AFDN: variants seen among roughly 807,000 people sequenced by gnomAD.
The protein encoded by AFDN is afadin, adherens junction formation factor, also known as afadin.
A neutral mutation model predicts 216.6 loss-of-function variants in AFDN; 68 were observed. The observed-to-expected ratio is 0.31, with a 90% confidence interval of 0.26 to 0.38. The LOEUF is 0.38. AFDN is among the 10% of genes least tolerant of loss of function. The pLI is 1.00. For synonymous variants in AFDN, 868 were observed against 853.7 expected (o/e 1.02, Z -0.29); for missense variants, 2,136 against 2,342.0 (o/e 0.91, Z 1.82).
At chr6:167,874,690 A>G (rs1180872360) in intron 4 of AFDN, among the ~76,000 whole-genome samples, 1 of 143,248 alleles carries the variant, frequency 7.0e-6, no homozygotes, top group African/African-American at 2.6e-5. Context: ...ATCTTGGCTC[A>G]CTGCAACCTC....
At chr6:167,944,119 A>G (rs749216102) in intron 26 of AFDN, 60 bp downstream of exon 26, 34 of 1,321,842 alleles carry the variant, frequency 2.6e-5, no homozygotes, top group Middle Eastern at 1.9e-4. Flanking sequence ...AATGGTCACA[A>G]AACCCCCATG....
Position 167,827,104 on chromosome 6 carries a change from CGCGCGGCTGAGGAG to C in AFDN, c.-21_-8del. 1 of 1,204,260 alleles carries C rather than the reference CGCGCGGCTGAGGAG, an allele frequency of 8.3e-7. No individual in the cohort carries two copies. The highest frequency in any genetic ancestry group is 1.1e-6 in the Non-Finnish European group (1 of 938,138). 74.6% of individuals were successfully genotyped at this position (1,204,260 alleles called of 1,614,324 possible). A position where few individuals can be genotyped will look rare whatever the true frequency, so the allele number is the denominator to read the frequency against. On this transcript the variant is annotated 5_prime_UTR_variant, in exon 1 of 34. Coordinates refer to ENST00000683244, the MANE Select transcript of AFDN (RefSeq NM_001386888.1). Reference sequence around the variant, plus strand: ...TCGGCCCGTCCTCCGGCCCCGGCCCCGCGCGGCTGAGGAGGCGCGGCCAGGACCATGTCGGCGGG... The same window carrying C: ...TCGGCCCGTCCTCCGGCCCCGGCCCCGCGCGGCCAGGACCATGTCGGCGGG...
intron 2 of AFDN, 49 bp from the exon 3 acceptor site, chr6:167,870,337 A>G (rs1227615040): frequency 4.9e-6 from 6 of 1,234,162 alleles, no homozygotes; most frequent in African/African-American, 3.0e-5. Context: ...AGCTAGTTCT[A>G]TGAAATAACC....
rs1790374763 is a variant in AFDN at position 167,911,401 on chromosome 6, A to G, written c.1949A>G (p.Tyr650Cys). 6.2e-7 allele frequency: 1 copy of G among 1,614,174 alleles called. No homozygotes were observed. The highest frequency in any genetic ancestry group is 1.3e-5 in the African/African-American group (1 of 75,036). The change falls in exon 15 of 34, where the codon TAC becomes TGC. Residue 650 changes from tyrosine (Y) to cysteine (C), a missense_variant. Transcript: ENST00000683244. ...TGCCGGTATGTATTGTCCAACCAGT[A>G]CAGACCTGACATCAGCCCTACAGAG... is the stretch of plus-strand genomic sequence containing the variant. ...MACRYVLSNQYRPDISPTERT... is the reference protein window; with the variant it reads ...MACRYVLSNQCRPDISPTERT...
At chr6:167,914,766 C>T in intron 18 of AFDN, 28 bp downstream of exon 18, 1 of 1,462,690 alleles carries the variant, frequency 6.8e-7, no homozygotes, top group Non-Finnish European at 9.6e-7. Context: ...CTGTCTCCCT[C>T]TATCCCGCTT....
chr6:167,862,501 G>A (rs1783705714), intron 1 of AFDN, among the ~76,000 whole-genome samples: 1 of 151,970 alleles, frequency 6.6e-6, no homozygotes, highest in Non-Finnish European at 1.5e-5. Context: ...TCAGCCTCCT[G>A]AGTAGCTGAG....
rs556619557 is a variant in AFDN, at chr6:167,934,478, T to C, written c.3100-8651T>C. 7.2e-5 allele frequency among the ~76,000 whole-genome samples: 11 copies of C among 152,316 alleles called. No homozygotes were observed. In the South Asian group the frequency reaches 1.2e-3, roughly 17 times the overall value. ...TAAAACCCAAGCCTGGATTTACTTA[T>C]CTGACTAGAAGTAAAGCAGTTGAAA... On this transcript the variant is annotated intron_variant, in intron 23 of 33. Coordinates refer to ENST00000683244, the MANE Select transcript of AFDN (RefSeq NM_001386888.1).
chr6:167,879,260 A>G (rs1785812976), intron 5 of AFDN, among the ~76,000 whole-genome samples: 1 of 152,216 alleles, frequency 6.6e-6, no homozygotes, highest in Non-Finnish European at 1.5e-5. Context: ...TTCTTAAAAG[A>G]CCAACATGAT....
At chr6:167,888,837 G>A (rs1787197030) in intron 6 of AFDN, among the ~76,000 whole-genome samples, 1 of 152,056 alleles carries the variant, frequency 6.6e-6, no homozygotes, top group African/African-American at 2.4e-5. Flanking sequence ...AAAAACAATT[G>A]TTTGAATGTG....
intron 1 of AFDN, among the ~76,000 whole-genome samples, chr6:167,855,411 G>A (rs914701594): frequency 2.0e-5 from 3 of 151,974 alleles, no homozygotes; most frequent in Non-Finnish European, 4.4e-5. Flanking sequence ...CTTACAAAAC[G>A]AAGTAGTAAG....
intron 19 of AFDN, among the ~76,000 whole-genome samples, chr6:167,916,808 C>T (rs1429828631): frequency 1.3e-5 from 2 of 152,022 alleles, no homozygotes; most frequent in African/African-American, 4.8e-5. Flanking sequence ...AAATGTTTAG[C>T]TTTGGAAGAG....
chr6:167,922,273 C>A (rs565245670), intron 21 of AFDN, among the ~76,000 whole-genome samples: 3 of 152,254 alleles, frequency 2.0e-5, no homozygotes, highest in Non-Finnish European at 4.4e-5. Flanking sequence ...CAGAGATATT[C>A]TTGAAAACAT....
intron 5 of AFDN, 25 bp from the exon 6 acceptor site, chr6:167,880,335 C>T: frequency 6.2e-7 from 1 of 1,606,666 alleles, no homozygotes; most frequent in Non-Finnish European, 8.5e-7. Context: ...AAGTTGTACT[C>T]AAAGATGTCA....
intron 1 of AFDN, among the ~76,000 whole-genome samples, chr6:167,829,286 C>T (rs966434841): frequency 1.3e-5 from 2 of 152,066 alleles, no homozygotes; most frequent in Non-Finnish European, 2.9e-5. Context: ...TTCTCGAGAA[C>T]TTTCCTGTAC....
At chr6:167,924,903 C>T in intron 22 of AFDN, 102 bp from the exon 23 acceptor site, 1 of 835,292 alleles carries the variant, frequency 1.2e-6, no homozygotes, top group East Asian at 2.4e-5. Context: ...TTTCTTTCCC[C>T]ATTTGCTCCA....
At position 167,902,371 on chromosome 6, in the gene AFDN, A is replaced by G. The variant is rs549790232; in HGVS notation, c.1635A>G (p.Ala545=). The part of the protein sequence containing the change: ...DLGGDIHSGT[A]LPTSKSTTRL... ...GAGGAGATATTCATAGTGGGACAGC[A>G]TTACCGACAAGCAAGGTAGGTAATT... The change falls in exon 12 of 34, where the codon GCA becomes GCG. Residue 545 remains alanine (A), a synonymous_variant. Coordinates refer to ENST00000683244, the MANE Select transcript of AFDN (RefSeq NM_001386888.1). The G allele has an allele frequency of 6.2e-7, 1 of 1,612,416 alleles. No individual in the cohort carries two copies. The highest frequency in any genetic ancestry group is 1.3e-5 in the African/African-American group (1 of 74,908).
chr6:167,924,863 AT>A (rs57378583), intron 22 of AFDN, 141 bp from the exon 23 acceptor site: 4 of 740,686 alleles, frequency 5.4e-6, no homozygotes, highest in South Asian at 2.8e-5. Flanking sequence ...ATTAATTGAA[AT>A]TTTTTTTACT....
chr6:167,958,273 T>C (rs904598055), intron 30 of AFDN, among the ~76,000 whole-genome samples: 10 of 152,176 alleles, frequency 6.6e-5, no homozygotes, highest in African/African-American at 2.4e-4. Context: ...ATGCAAATAG[T>C]CCAAAAATAA....
chr6:167,895,769 C>T (rs1226289027), intron 9 of AFDN, among the ~76,000 whole-genome samples: 3 of 152,194 alleles, frequency 2.0e-5, no homozygotes, highest in Admixed American at 6.5e-5. Context: ...TCAAAGCTTA[C>T]GTTCCTAATT....
Sources: gnomAD v4.1 joint callset for allele counts (sites outside exome capture counted in the v4.1 genomes callset) on GRCh38, gnomAD v4.1.1 for gene constraint, MANE v1.5 for transcripts, NCBI Gene and HGNC (gene_info 2026-07-23, HGNC 2026-07-21) for gene names.